CEP128: variants seen among roughly 807,000 people sequenced by gnomAD.
CEP128 encodes centrosomal protein 128kDa.
A neutral mutation model predicts 156.7 loss-of-function variants in CEP128; 132 were observed. The ratio of observed to expected loss-of-function variants is 0.84; its 90% CI spans 0.73 to 0.97. The LOEUF is 0.97. Among genes scored for constraint, CEP128 ranks in the 50% least tolerant of loss-of-function variants. CEP128 has a pLI of 0.00. For missense variants in CEP128, 1,252 were observed against 1,281.9 expected (o/e 0.98, Z 0.36); for synonymous variants, 469 against 448.9 (o/e 1.04, Z -0.57).
intron 14 of CEP128, among the ~76,000 whole-genome samples, chr14:80,788,440 C>T (rs1030710263): frequency 1.3e-5 from 2 of 151,896 alleles, no homozygotes; most frequent in African/African-American, 4.8e-5. Flanking sequence ...AGACTTCAGG[C>T]TCCCCACCTT....
chr14:80,921,258 G>A, intron 2 of CEP128, among the ~76,000 whole-genome samples: 1 of 152,108 alleles, frequency 6.6e-6, no homozygotes, highest in East Asian at 1.9e-4. Context: ...ACCTTTAAAA[G>A]GTGATTGGGT....
intron 13 of CEP128, among the ~76,000 whole-genome samples, chr14:80,799,905 T>C (rs1448845450): frequency 6.6e-6 from 1 of 152,180 alleles, no homozygotes; most frequent in Non-Finnish European, 1.5e-5. Flanking sequence ...CCCTTTGCCC[T>C]GTGATCTTTG....
chr14:80,700,413 G>A (rs1040317946), intron 19 of CEP128, among the ~76,000 whole-genome samples: 2 of 151,890 alleles, frequency 1.3e-5, no homozygotes, highest in African/African-American at 2.4e-5. Context: ...GGGAAGATGC[G>A]CGTCATTAAT....
intron 16 of CEP128, 111 bp from the exon 17 acceptor site, chr14:80,761,724 C>A: frequency 1.5e-6 from 1 of 661,962 alleles, no homozygotes; most frequent in Non-Finnish European, 2.4e-6. Flanking sequence ...AAATCTGATT[C>A]CATCAGTCCC....
At chr14:80,668,174 A>G (rs1895702722) in intron 19 of CEP128, among the ~76,000 whole-genome samples, 1 of 152,202 alleles carries the variant, frequency 6.6e-6, no homozygotes, top group African/African-American at 2.4e-5. Context: ...TGAGGAAACA[A>G]AGGCACAGTC....
At chr14:80,796,279 C>T (rs1034848482) in intron 13 of CEP128, among the ~76,000 whole-genome samples, 2 of 151,990 alleles carry the variant, frequency 1.3e-5, no homozygotes, top group African/African-American at 2.4e-5. Flanking sequence ...GGCAACATAG[C>T]GAAACTCCTG....
chr14:80,899,821 A>G, intron 7 of CEP128, 117 bp downstream of exon 7: 1 of 632,188 alleles, frequency 1.6e-6, no homozygotes, highest in Non-Finnish European at 2.8e-6. Flanking sequence ...ATAAATTTTA[A>G]GGTACTGTAT....
intron 23 of CEP128, among the ~76,000 whole-genome samples, chr14:80,525,232 A>G (rs1011725639): frequency 6.6e-6 from 1 of 152,212 alleles, no homozygotes; most frequent in African/African-American, 2.4e-5. Flanking sequence ...ACTTCCAGAA[A>G]AAATTAGGTA....
intron 21 of CEP128, among the ~76,000 whole-genome samples, chr14:80,556,158 T>C (rs936752599): frequency 1.3e-5 from 2 of 152,118 alleles, no homozygotes. Flanking sequence ...CCCATTCTAT[T>C]TTGGCTGAAG....
At chr14:80,706,897 T>C (rs1897254660) in intron 19 of CEP128, among the ~76,000 whole-genome samples, 1 of 152,186 alleles carries the variant, frequency 6.6e-6, no homozygotes, top group Non-Finnish European at 1.5e-5. Context: ...TCTTCTGTTA[T>C]CTCATTCTAC....
chr14:80,881,113 A>G (rs1043231162), intron 8 of CEP128, among the ~76,000 whole-genome samples: 1 of 151,490 alleles, frequency 6.6e-6, no homozygotes, highest in African/African-American at 2.4e-5. Flanking sequence ...TTAAGAAAAT[A>G]CAAAAGATCA....
At chr14:80,605,280 G>T (rs914557632) in intron 19 of CEP128, among the ~76,000 whole-genome samples, 1 of 152,016 alleles carries the variant, frequency 6.6e-6, no homozygotes, top group Non-Finnish European at 1.5e-5. Flanking sequence ...CAATGTGTAT[G>T]AGTAATAATT....
At chr14:80,862,598 A>C (rs574712680) in intron 9 of CEP128, among the ~76,000 whole-genome samples, 159 bp downstream of exon 9, 1 of 152,332 alleles carries the variant, frequency 6.6e-6, no homozygotes, top group African/African-American at 2.4e-5. Context: ...GTATGAAACC[A>C]GGGAGGTCTG....
At chr14:80,522,654 G>T (rs960111143) in intron 23 of CEP128, among the ~76,000 whole-genome samples, 14 of 152,298 alleles carry the variant, frequency 9.2e-5, no homozygotes, top group Non-Finnish European at 5.9e-5. Context: ...AATAAATGGG[G>T]ATGTCTTGGA....
chr14:80,789,892 G>A (rs2139830490), intron 14 of CEP128, among the ~76,000 whole-genome samples: 1 of 149,260 alleles, frequency 6.7e-6, no homozygotes, highest in African/African-American at 2.5e-5. Flanking sequence ...GTTTTGTTTT[G>A]TTTTTTACCT....
intron 2 of CEP128, among the ~76,000 whole-genome samples, chr14:80,930,978 G>A (rs1165908382): frequency 6.6e-6 from 1 of 152,190 alleles, no homozygotes; most frequent in Non-Finnish European, 1.5e-5. Flanking sequence ...GATGAATGAT[G>A]AAATAACAGA....
At chr14:80,909,574 G>T (rs1176674843) in intron 4 of CEP128, among the ~76,000 whole-genome samples, 1 of 151,950 alleles carries the variant, frequency 6.6e-6, no homozygotes, top group African/African-American at 2.4e-5. Context: ...GATTTTTAAG[G>T]TCCAAAAAAT....
chr14:80,826,912 C>T (rs148935446), intron 13 of CEP128, among the ~76,000 whole-genome samples: 25 of 152,176 alleles, frequency 1.6e-4, no homozygotes, highest in African/African-American at 5.5e-4. Flanking sequence ...AATAGGCTAT[C>T]AAGGTTAATG....
chr14:80,552,033 G>GTTGT lies in CEP128; in HGVS notation c.2880+7242_2880+7245dup, dbSNP rs536705914. Among the ~76,000 whole-genome samples the GTTGT allele has an allele frequency of 3.4e-3, 511 of 152,112 alleles. 2 individuals are homozygous for GTTGT. Among genetic ancestry groups the GTTGT allele is most frequent in the African/African-American group, 0.011 (472 of 41,456 alleles). ...TAGTCCTGTTTTTGTTGTTGTTGTT[G>GTTGT]TTGTTTGTTTGTTTTTTAAATAAAG... On this transcript the variant is annotated intron_variant, in intron 21 of 24. Transcript: ENST00000555265.
Sources: gnomAD v4.1 joint callset for allele counts (sites outside exome capture counted in the v4.1 genomes callset) on GRCh38, gnomAD v4.1.1 for gene constraint, MANE v1.5 for transcripts, NCBI Gene and HGNC (gene_info 2026-07-23, HGNC 2026-07-21) for gene names.